The following GPHN variants were observed in gnomAD, a reference collection of about 807,000 sequenced individuals.
GPHN encodes the protein gephyrin.
A neutral mutation model predicts 95.5 loss-of-function variants in GPHN; 17 were observed. The observed-to-expected ratio is 0.18, with a 90% confidence interval of 0.12 to 0.27. The LOEUF (loss-of-function observed/expected upper bound fraction) is 0.27. GPHN is among the 10% of genes least tolerant of loss of function. The probability of loss-of-function intolerance (pLI) is 1.00; values close to 1 mark genes in which losing one functional copy is unlikely to be tolerated. For missense variants in GPHN, 660 were observed against 978.1 expected (o/e 0.67, Z 4.34); for synonymous variants, 320 against 322.5 (o/e 0.99, Z 0.08).
At chr14:66,994,092 G>A (rs186755983) in intron 9 of GPHN, among the ~76,000 whole-genome samples, 4 of 152,122 alleles carry the variant, frequency 2.6e-5, no homozygotes, top group Admixed American at 6.5e-5. Context: ...ATGGCCAAGC[G>A]CAGTGGCTCA....
the GPHN span, among the ~76,000 whole-genome samples, chr14:67,246,664 T>TC: frequency 6.7e-6 from 1 of 149,272 alleles, no homozygotes; most frequent in Admixed American, 6.7e-5. Context: ...TTTTTTTTTT[T>TC]TTTTTGAGAT....
intron 8 of GPHN, among the ~76,000 whole-genome samples, chr14:66,958,096 A>G (rs1312927187): frequency 6.6e-6 from 1 of 152,210 alleles, no homozygotes; most frequent in Non-Finnish European, 1.5e-5. Context: ...AACTATTATT[A>G]AAAGTGGAAT....
chr14:67,463,181 G>A, the GPHN span, among the ~76,000 whole-genome samples: 1 of 152,242 alleles, frequency 6.6e-6, no homozygotes, highest in South Asian at 2.1e-4. Flanking sequence ...CACTTTGGGA[G>A]GCCGAGGTGG....
intron 1 of GPHN, among the ~76,000 whole-genome samples, chr14:66,678,400 C>T (rs1350989596): frequency 6.6e-6 from 1 of 150,728 alleles, no homozygotes; most frequent in Non-Finnish European, 1.5e-5. Flanking sequence ...TAATTTTAAT[C>T]ATTGAATTCT....
At chr14:67,110,937 A>G (rs2078330299) in intron 14 of GPHN, among the ~76,000 whole-genome samples, 1 of 152,360 alleles carries the variant, frequency 6.6e-6, no homozygotes, top group East Asian at 1.9e-4. Context: ...AAATAGTGGC[A>G]GGTTATTGAA....
chr14:67,566,664 T>G, the GPHN span, among the ~76,000 whole-genome samples: 6 of 151,596 alleles, frequency 4.0e-5, no homozygotes, highest in South Asian at 1.3e-3. Context: ...GGAAGTTAAG[T>G]TTGAGCCCAG....
chr14:67,402,929 A>G, the GPHN span, among the ~76,000 whole-genome samples: 5 of 152,186 alleles, frequency 3.3e-5, no homozygotes, highest in African/African-American at 1.2e-4. Flanking sequence ...TCTTTTGGGT[A>G]TATACCCAGC....
the GPHN span, chr14:67,586,477 G>A: frequency 8.4e-7 from 1 of 1,189,600 alleles, no homozygotes; most frequent in East Asian, 5.5e-5. Context: ...GTTACCCCTG[G>A]GTTCTGCTGA....
intron 1 of GPHN, among the ~76,000 whole-genome samples, chr14:66,534,204 A>C (rs1322726582): frequency 6.6e-6 from 1 of 152,178 alleles, no homozygotes; most frequent in African/African-American, 2.4e-5. Flanking sequence ...TTATGTGTAC[A>C]AACTCTTACA....
chr14:67,723,561 T>C, the GPHN span, among the ~76,000 whole-genome samples: 1 of 151,976 alleles, frequency 6.6e-6, no homozygotes, highest in Non-Finnish European at 1.5e-5. Context: ...ATAAAGGAGG[T>C]TAAATGGACC....
intron 3 of GPHN, among the ~76,000 whole-genome samples, chr14:66,788,990 G>A (rs1375709644): frequency 1.3e-5 from 2 of 152,158 alleles, no homozygotes; most frequent in Non-Finnish European, 2.9e-5. Context: ...AGTTTGACCA[G>A]AAGGTAAGAT....
At chr14:66,784,402 G>C (rs1051486936) in intron 3 of GPHN, among the ~76,000 whole-genome samples, 21 of 152,156 alleles carry the variant, frequency 1.4e-4, no homozygotes, top group African/African-American at 5.1e-4. Flanking sequence ...CTCTGAAAGA[G>C]TGGCTAAATA....
At chr14:66,877,005 C>A (rs2063698525) in intron 4 of GPHN, among the ~76,000 whole-genome samples, 1 of 152,012 alleles carries the variant, frequency 6.6e-6, no homozygotes, top group African/African-American at 2.4e-5. Flanking sequence ...AAATACTAAA[C>A]CAAATCCAGC....
chr14:67,142,955 G>A, intron 17 of GPHN: 1 of 288,074 alleles, frequency 3.5e-6, no homozygotes, highest in South Asian at 3.8e-5. Context: ...TCTCTAAAGA[G>A]TCCTATGTGA....
chr14:66,538,443 T>C (rs989342318), intron 1 of GPHN, among the ~76,000 whole-genome samples: 25 of 152,088 alleles, frequency 1.6e-4, no homozygotes, highest in African/African-American at 6.0e-4. Context: ...ACATGTCTCA[T>C]GTGGTTATTC....
the GPHN span, chr14:67,663,158 G>A: frequency 4.4e-5 from 67 of 1,532,624 alleles, no homozygotes; most frequent in South Asian, 2.9e-4. Context: ...TTGGTTGAGT[G>A]TATCTTTAAT....
chr14:67,302,088 T>G, the GPHN span: 1 of 1,607,900 alleles, frequency 6.2e-7, no homozygotes, highest in Non-Finnish European at 8.5e-7. Flanking sequence ...TAAAAATAGT[T>G]CGTATAGAAA....
At chr14:67,252,920 G>T in the GPHN span, among the ~76,000 whole-genome samples, 1 of 152,146 alleles carries the variant, frequency 6.6e-6, no homozygotes, top group Non-Finnish European at 1.5e-5. Context: ...TTTACTGGGA[G>T]GAAATCTAAC....
chr14:66,847,779 T>C (rs967051762), intron 4 of GPHN, among the ~76,000 whole-genome samples: 4 of 152,090 alleles, frequency 2.6e-5, no homozygotes, highest in Admixed American at 2.0e-4. Flanking sequence ...GAAGTTTCAC[T>C]TTTTTTATTT....
Sources: allele counts gnomAD v4.1 joint callset (sites outside exome capture counted in the v4.1 genomes callset), GRCh38; gene constraint gnomAD v4.1.1; transcripts MANE v1.5; gene names NCBI Gene and HGNC (gene_info 2026-07-23, HGNC 2026-07-21).